The following AZIN2 variants were observed in gnomAD, a reference collection of about 807,000 sequenced individuals.
The protein encoded by AZIN2 is antizyme inhibitor 2, also known as ODC antizyme inhibitor-2.
Under a neutral mutation model 47.8 loss-of-function variants are expected in AZIN2, and 28 were observed. That is an observed-to-expected ratio of 0.59 (90% confidence interval 0.43 to 0.80). AZIN2 has a LOEUF of 0.80. Among genes scored for constraint, AZIN2 ranks in the 30% least tolerant of loss-of-function variants. The probability of loss-of-function intolerance (pLI) is 0.00; values close to 1 mark genes in which losing one functional copy is unlikely to be tolerated. For missense variants in AZIN2, 535 were observed against 582.5 expected, an observed-to-expected ratio of 0.92 and a Z score of 0.84; for synonymous variants, 221 against 239.4, an observed-to-expected ratio of 0.92 and a Z score of 0.71.
chr1:33,114,881 G>A (rs1409994038), intron 10 of AZIN2, among the ~76,000 whole-genome samples: 1 of 151,954 alleles, frequency 6.6e-6, no homozygotes, highest in Non-Finnish European at 1.5e-5. Flanking sequence ...GACCTCAAGT[G>A]ATGCGCCCGT....
chr1:33,103,293 C>T (rs1187749331), intron 10 of AZIN2, among the ~76,000 whole-genome samples: 12 of 152,176 alleles, frequency 7.9e-5, no homozygotes, highest in Admixed American at 7.9e-4. Flanking sequence ...TCCCAGGCAC[C>T]TCTGCCCTCA....
Position 33,082,310 on chromosome 1 carries a change from G to A in AZIN2, c.61G>A (p.Asp21Asn). 6.2e-7 allele frequency: 1 copy of A among 1,614,108 alleles called. No individual in the cohort carries two copies. Among genetic ancestry groups the A allele is most frequent in the Non-Finnish European group, 8.5e-7 (1 of 1,180,000 alleles). ...GGTGGAGGAGGGCTTCAGTACCCGA[G>A]ACCTGCTGAAGGAACTCACTCTGGG... ...VMVEEGFSTR[D>N]LLKELTLGAS... Residue 21 changes from aspartate (D) to asparagine (N), a missense_variant, in exon 4 of 12, where the codon GAC becomes AAC. This residue lies in a region of AZIN2 where 409 missense variants were observed against 429.0 expected (regional missense o/e 0.95). Coordinates refer to ENST00000294517, the MANE Select transcript of AZIN2 (RefSeq NM_052998.4).
At chr1:33,133,278 C>A in the AZIN2 span, among the ~76,000 whole-genome samples, 1 of 152,252 alleles carries the variant, frequency 6.6e-6, no homozygotes, top group African/African-American at 2.4e-5. Context: ...TCCAGCTAAG[C>A]ACATTGTCCC....
At chr1:33,130,388 T>C in the AZIN2 span, among the ~76,000 whole-genome samples, 1 of 152,362 alleles carries the variant, frequency 6.6e-6, no homozygotes, top group South Asian at 2.1e-4. Context: ...GGCTTCTGTT[T>C]TGGGCACCTT....
At chr1:33,108,342 C>CTTTTTTTTTTTTTTTTT (rs34834263) in intron 10 of AZIN2, among the ~76,000 whole-genome samples, 1 of 134,758 alleles carries the variant, frequency 7.4e-6, no homozygotes, top group African/African-American at 2.8e-5. Flanking sequence ...TTCAGATTGA[C>CTTTTTTTTTTTTTTTTT]TTTTTTTTTT....
At position 33,113,008 on chromosome 1, in the gene AZIN2, C is replaced by T. The variant is rs1326087772; in HGVS notation, c.1030-4894C>T. On this transcript the variant is annotated intron_variant, in intron 10 of 11. Coordinates refer to ENST00000294517, the MANE Select transcript of AZIN2 (RefSeq NM_052998.4). The surrounding 1 kb of genome is among the most constrained non-coding windows in gnomAD (Gnocchi z 4.1). ...ATTTTTTTTGAGACGGCGTCTCGCT[C>T]TGTTGCCCAGGCTGGAGTGCAGTGG... is the stretch of plus-strand genomic sequence containing the variant. Among the ~76,000 whole-genome samples the T allele has an allele frequency of 2.0e-5, 3 of 152,146 alleles. No homozygotes were observed. Among genetic ancestry groups the T allele is most frequent in the Non-Finnish European group, 4.4e-5 (3 of 68,028 alleles).
chr1:33,084,124 C>T lies in AZIN2; in HGVS notation c.276C>T (p.Asn92=), dbSNP rs775424397. The part of the protein sequence containing the change: ...AQLGLGFSCA[N]KAEMELVQHI... ...TGGGGCTGGGCTTTAGCTGTGCCAACAAGGTGAGCCCTGCCCGCACGGTGC... is the reference window on the plus strand; with the variant it reads ...TGGGGCTGGGCTTTAGCTGTGCCAATAAGGTGAGCCCTGCCCGCACGGTGC... The change falls in exon 5 of 12, where the codon AAC becomes AAT. Residue 92 remains asparagine, a synonymous_variant. Coordinates refer to ENST00000294517, the MANE Select transcript of AZIN2 (RefSeq NM_052998.4). The T allele has an allele frequency of 6.8e-6, 11 of 1,609,814 alleles. No homozygotes were observed. The East Asian group carries it at 2.5e-4, about 36-fold the overall frequency.
downstream of AZIN2, among the ~76,000 whole-genome samples, chr1:33,124,406 A>G (rs1008150472): frequency 7.0e-6 from 1 of 142,400 alleles, no homozygotes; most frequent in African/African-American, 2.4e-5. This position sits in a 1 kb window ranked among gnomAD's most constrained non-coding sequence, Gnocchi z 4.6. Flanking sequence ...TTCAAAATAA[A>G]AAAAAGAAAA....
rs1644652036 is a variant in AZIN2, at chr1:33,118,210, A to G, written c.1244+94A>G. Reference sequence around the variant, plus strand: ...TTGAGATTCTGCTTCTGTGTAATCCAACTTGACAAGTAGCTGTTGGCTGCT... The same window carrying G: ...TTGAGATTCTGCTTCTGTGTAATCCGACTTGACAAGTAGCTGTTGGCTGCT... On this transcript the variant is annotated intron_variant, in intron 11 of 11. Transcript: ENST00000294517. 2.2e-6 allele frequency: 3 copies of G among 1,353,442 alleles called. No homozygotes were observed. The African/African-American group carries it at 4.4e-5, about 20-fold the overall frequency. 83.8% of individuals were successfully genotyped at this position (1,353,442 alleles called of 1,614,324 possible).
intron 10 of AZIN2, among the ~76,000 whole-genome samples, chr1:33,104,726 G>T (rs1643914100): frequency 6.6e-6 from 1 of 152,030 alleles, no homozygotes; most frequent in Non-Finnish European, 1.5e-5. Flanking sequence ...TTAACACAAG[G>T]TCACATTCTG....
At chr1:33,095,735 A>G (rs1475880657) in intron 8 of AZIN2, among the ~76,000 whole-genome samples, 3 of 152,250 alleles carry the variant, frequency 2.0e-5, no homozygotes, top group Non-Finnish European at 4.4e-5. Context: ...ACTATAGCCT[A>G]CTGTTGACAA....
intron 7 of AZIN2, 95 bp from the exon 8 acceptor site, chr1:33,094,453 G>A (rs1240140317): frequency 1.0e-5 from 13 of 1,305,466 alleles, no homozygotes; most frequent in Admixed American, 3.9e-5. Flanking sequence ...TGGGCACAGT[G>A]TCTCATGTGC....
downstream of AZIN2, among the ~76,000 whole-genome samples, chr1:33,127,524 C>G (rs928815688): frequency 6.6e-6 from 1 of 152,248 alleles, no homozygotes; most frequent in Non-Finnish European, 1.5e-5. Context: ...AAGGGGTCAA[C>G]CCGGGACTGA....
intron 10 of AZIN2, among the ~76,000 whole-genome samples, chr1:33,105,487 T>G (rs1186051772): frequency 6.6e-6 from 1 of 152,222 alleles, no homozygotes; most frequent in Admixed American, 6.5e-5. Flanking sequence ...TAGGGAGGCC[T>G]CAGGAAACCT....
At chr1:33,112,163 A>G (rs932647169) in intron 10 of AZIN2, among the ~76,000 whole-genome samples, 6 of 152,186 alleles carry the variant, frequency 3.9e-5, no homozygotes, top group African/African-American at 1.4e-4. Flanking sequence ...GTCCTTAGGC[A>G]CTGCTAGGTG....
intron 9 of AZIN2, among the ~76,000 whole-genome samples, chr1:33,097,762 C>G (rs1450196949): frequency 6.6e-6 from 1 of 152,082 alleles, no homozygotes; most frequent in Non-Finnish European, 1.5e-5. Flanking sequence ...GTGGCTTAAC[C>G]TTTTGGGGTC....
At chr1:33,149,915 C>T in the AZIN2 span, among the ~76,000 whole-genome samples, 1 of 152,230 alleles carries the variant, frequency 6.6e-6, no homozygotes, top group South Asian at 2.1e-4. Context: ...CAGGGCCTGG[C>T]TTGTGGCACA....
chr1:33,126,875 A>C (rs1644860409), downstream of AZIN2, among the ~76,000 whole-genome samples: 1 of 152,230 alleles, frequency 6.6e-6, no homozygotes, highest in South Asian at 2.1e-4. Flanking sequence ...CTTATACTAA[A>C]GCATTACTCG....
chr1:33,155,689 A>G, the AZIN2 span, among the ~76,000 whole-genome samples: 1 of 152,128 alleles, frequency 6.6e-6, no homozygotes, highest in African/African-American at 2.4e-5. Context: ...AAAAATGAGG[A>G]TAATAACACT....
Sources: gnomAD v4.1 joint callset for allele counts (sites outside exome capture counted in the v4.1 genomes callset) on GRCh38, gnomAD v4.1.1 for gene constraint, gnomAD v4.1.1 regional missense constraint, Gnocchi (gnomAD v3.1) non-coding constraint, MANE v1.5 for transcripts, NCBI Gene and HGNC (gene_info 2026-07-23, HGNC 2026-07-21) for gene names.